The following CHST12 variants were observed in gnomAD, a reference collection of about 807,000 sequenced individuals.
CHST12 encodes carbohydrate sulfotransferase 12.
In CHST12, 23 loss-of-function variants were observed where a neutral mutation model predicts 27.9. That is an observed-to-expected ratio of 0.82 (90% CI 0.59 to 1.17). The LOEUF (loss-of-function observed/expected upper bound fraction) is 1.17. CHST12 is among the 50% of genes most tolerant of loss of function. The probability of loss-of-function intolerance (pLI) is 0.00; values close to 1 mark genes in which losing one functional copy is unlikely to be tolerated. For missense variants in CHST12, 682 were observed against 603.0 expected (o/e 1.13, Z -1.37); for synonymous variants, 322 against 273.0 (o/e 1.18, Z -1.77).
chr7:2,427,898 C>T (rs1352678234), intron 1 of CHST12, among the ~76,000 whole-genome samples: 2 of 147,942 alleles, frequency 1.4e-5, no homozygotes, highest in Non-Finnish European at 3.0e-5. Context: ...CTCACTGCAA[C>T]CGCCACCTCC....
intron 1 of CHST12, among the ~76,000 whole-genome samples, chr7:2,425,810 AT>A (rs1782103523): frequency 6.6e-6 from 1 of 150,718 alleles, no homozygotes; most frequent in Admixed American, 6.6e-5. Context: ...CTTACCACTT[AT>A]CCCACTATAC....
chr7:2,416,076 A>G (rs532474107), intron 1 of CHST12, among the ~76,000 whole-genome samples: 3 of 152,320 alleles, frequency 2.0e-5, no homozygotes, highest in South Asian at 2.1e-4. Flanking sequence ...CTGCATTATC[A>G]TGTAAGTCTA....
rs1239157232 is a variant in CHST12, at chr7:2,437,713, AACACACACACACACGCGCGCACACACAC to A, written c.*3844_*3871del. 7.3e-6 allele frequency: 1 copy of A among 136,190 alleles called. No homozygotes were observed. The highest frequency in any genetic ancestry group is 1.5e-5 in the Non-Finnish European group (1 of 65,308). The allele number at this position is 136,190 out of a possible 1,614,324, so 8.4% of individuals were successfully genotyped here. A position where few individuals can be genotyped will look rare whatever the true frequency, so the allele number is the denominator to read the frequency against. ...CCTAGCTCTGCCACTTAGGAATCAG[AACACACACACACACGCGCGCACACACAC>A]ACACACACACACACTCTCTCTCACA... On this transcript the variant is annotated 3_prime_UTR_variant, in exon 2 of 2. Transcript: ENST00000618655.
At chr7:2,421,161 G>A (rs546071150) in intron 1 of CHST12, among the ~76,000 whole-genome samples, 2 of 150,246 alleles carry the variant, frequency 1.3e-5, no homozygotes, top group South Asian at 2.1e-4. Flanking sequence ...GGGCTCAAGC[G>A]ATCCTCTTGC....
chr7:2,420,512 A>C (rs1781943157), intron 1 of CHST12, among the ~76,000 whole-genome samples: 1 of 152,170 alleles, frequency 6.6e-6, no homozygotes, highest in South Asian at 2.1e-4. Context: ...GCATCTCTTC[A>C]AGACCCTGCT....
At chr7:2,431,903 T>C (rs998034103) in intron 1 of CHST12, among the ~76,000 whole-genome samples, 10 of 152,096 alleles carry the variant, frequency 6.6e-5, no homozygotes, top group Admixed American at 6.5e-4. Context: ...ATGACACCAA[T>C]AGCAAATGCA....
intron 1 of CHST12, among the ~76,000 whole-genome samples, chr7:2,414,400 C>T (rs1172830270): frequency 1.3e-5 from 2 of 152,070 alleles, no homozygotes; most frequent in Non-Finnish European, 2.9e-5. Flanking sequence ...TCTCTTGCCT[C>T]AGCCTCCTGA....
chr7:2,415,618 C>CT (rs540084839), intron 1 of CHST12, among the ~76,000 whole-genome samples: 8,435 of 140,756 alleles, frequency 0.06, 298 homozygotes, highest in East Asian at 0.18. Flanking sequence ...TTTCTTTTTT[C>CT]TTTTTTTTTT....
intron 1 of CHST12, among the ~76,000 whole-genome samples, chr7:2,425,926 G>A (rs1782106507): frequency 6.6e-6 from 1 of 152,118 alleles, no homozygotes; most frequent in Admixed American, 6.5e-5. Context: ...TGGCAGCACA[G>A]GTGCCAGGGG....
intron 1 of CHST12, among the ~76,000 whole-genome samples, chr7:2,404,755 A>G (rs1305726240): frequency 1.3e-5 from 2 of 152,228 alleles, no homozygotes; most frequent in Non-Finnish European, 2.9e-5. Flanking sequence ...AATGGCATAG[A>G]TGTTTGATTT....
Position 2,433,512 on chromosome 7 carries a change from C to T in CHST12, c.873C>T (p.Ala291=). ...HTSLPASARE[A]FRAGLKVSFA... Reference sequence around the variant, plus strand: ...GCCTGCCCGCCTCGGCGCGCGAGGCCTTCCGCGCTGGCCTCAAGGTGTCCT... The same window carrying T: ...GCCTGCCCGCCTCGGCGCGCGAGGCTTTCCGCGCTGGCCTCAAGGTGTCCT... Residue 291 remains alanine (A), a synonymous_variant, in exon 2 of 2, where the codon GCC becomes GCT. Transcript: ENST00000618655. This position sits in a 1 kb window ranked among gnomAD's most constrained non-coding sequence, Gnocchi z 6.1. 2 of 1,612,656 alleles carry T rather than the reference C, an allele frequency of 1.2e-6. No individual in the cohort carries two copies. The highest frequency in any genetic ancestry group is 1.7e-6 in the Non-Finnish European group (2 of 1,179,944).
chr7:2,418,063 G>T (rs1366644176), intron 1 of CHST12, among the ~76,000 whole-genome samples: 1 of 152,244 alleles, frequency 6.6e-6, no homozygotes, highest in East Asian at 1.9e-4. Context: ...TAAGGCCATA[G>T]CTGTCTGTGC....
chr7:2,423,862 T>C (rs1336547471), intron 1 of CHST12, among the ~76,000 whole-genome samples: 1 of 151,882 alleles, frequency 6.6e-6, no homozygotes, highest in Non-Finnish European at 1.5e-5. Context: ...AGCCCAGGAG[T>C]TCGAGACCAG....
At position 2,437,255 on chromosome 7, in the gene CHST12, T is replaced by A. The variant is rs1782494942; in HGVS notation, c.*3371T>A. 1 of 152,274 alleles carries A rather than the reference T, an allele frequency of 6.6e-6. No homozygotes were observed. Among genetic ancestry groups the A allele is most frequent in the South Asian group, 2.1e-4 (1 of 4,832 alleles). The allele number at this position is 152,274 out of a possible 1,614,324, so 9.4% of individuals were successfully genotyped here. On this transcript the variant is annotated 3_prime_UTR_variant, in exon 2 of 2. Coordinates refer to ENST00000618655, the MANE Select transcript of CHST12 (RefSeq NM_018641.5). ...CGGGGTGGTGTCACAAAGCCCTGTC[T>A]CTTGTGTGATGGCTGCGCCTCGAAT...
rs1196432298 is a variant in CHST12 at position 2,432,787 on chromosome 7, C to CCCA, written c.150_152dup (p.Thr51dup). The CCCA allele has an allele frequency of 6.2e-7, 1 of 1,613,528 alleles. No homozygotes were observed. On this transcript the variant is annotated inframe_insertion, in exon 2 of 2. Transcript: ENST00000618655. ...TAGGCCGCACACGGGGCCGCCGCTGCCCACGCCCGGGCCGGACAGGGACAG... is the reference window on the plus strand; with the variant it reads ...TAGGCCGCACACGGGGCCGCCGCTGCCCACCACGCCCGGGCCGGACAGGGACAG...
chr7:2,421,019 C>T (rs1345135393), intron 1 of CHST12, among the ~76,000 whole-genome samples: 1 of 151,740 alleles, frequency 6.6e-6, no homozygotes, highest in Non-Finnish European at 1.5e-5. Flanking sequence ...TGAGTCACTG[C>T]ACCTGGCCCC....
rs1297821375 is a variant in CHST12, at chr7:2,437,734, A to ACACACACACACACACACGCGCG, written c.*3867_*3868insGCGCGCACACACACACACACAC. The ACACACACACACACACACGCGCG allele has an allele frequency of 3.8e-5, 2 of 51,964 alleles. No homozygotes were observed. The highest frequency in any genetic ancestry group is 3.8e-4 in the Admixed American group (2 of 5,268). 3.2% of individuals were successfully genotyped at this position (51,964 alleles called of 1,614,324 possible). A position where few individuals can be genotyped will look rare whatever the true frequency, so the allele number is the denominator to read the frequency against. On this transcript the variant is annotated 3_prime_UTR_variant, in exon 2 of 2. Coordinates refer to ENST00000618655, the MANE Select transcript of CHST12 (RefSeq NM_018641.5). Reference sequence around the variant, plus strand: ...TCAGAACACACACACACACGCGCGCACACACACACACACACACACACTCTC... The same window carrying ACACACACACACACACACGCGCG: ...TCAGAACACACACACACACGCGCGCACACACACACACACACACGCGCGCACACACACACACACACACACTCTC...
rs1382011121 is a variant in CHST12, at chr7:2,440,924, C to T, written c.*7040C>T. The T allele has an allele frequency of 2.0e-5, 3 of 152,132 alleles. No homozygotes were observed. The highest frequency in any genetic ancestry group is 4.8e-5 in the African/African-American group (2 of 41,420). The allele number at this position is 152,132 out of a possible 1,614,324, so 9.4% of individuals were successfully genotyped here. On this transcript the variant is annotated 3_prime_UTR_variant, in exon 2 of 2. Transcript: ENST00000618655. ...GCGTGTCTAAATGCACTTTGAAATC[C>T]TAGGATGAAAAAGCCAGGCCCTGTC...
chr7:2,421,546 TC>T (rs1349459086), intron 1 of CHST12, among the ~76,000 whole-genome samples: 1 of 151,698 alleles, frequency 6.6e-6, no homozygotes, highest in Non-Finnish European at 1.5e-5. Flanking sequence ...AAATGGTCCT[TC>T]CATCTCAGCC....
Sources: allele counts gnomAD v4.1 joint callset (sites outside exome capture counted in the v4.1 genomes callset), GRCh38; gene constraint gnomAD v4.1.1; non-coding constraint Gnocchi (gnomAD v3.1); transcripts MANE v1.5; gene names NCBI Gene and HGNC (gene_info 2026-07-23, HGNC 2026-07-21).